SORCS3: variants seen among roughly 807,000 people sequenced by gnomAD.
SORCS3 encodes sortilin related VPS10 domain containing receptor 3, also known as VPS10 domain-containing receptor SorCS3.
In SORCS3, 57 loss-of-function variants were observed where a neutral mutation model predicts 146.3. That is an observed-to-expected ratio of 0.39 (90% CI 0.31 to 0.49). The LOEUF is 0.49. Ranked by LOEUF, SORCS3 falls within the 20% of genes least tolerant of loss-of-function variation. The pLI is 0.92. For synonymous variants in SORCS3, 653 were observed against 618.5 expected (o/e 1.06, Z -0.83); for missense variants, 1,341 against 1,575.5 (o/e 0.85, Z 2.52).
At chr10:105,255,056 CGTGCGCTTGTAGTCCCAGCTACTCAGGA>C (rs1387320171) in intron 23 of SORCS3, among the ~76,000 whole-genome samples, 1 of 151,632 alleles carries the variant, frequency 6.6e-6, no homozygotes, top group Non-Finnish European at 1.5e-5. Flanking sequence ...GGCGAGGAGG[CGTGCGCTTGTAGTCCCAGCTACTCAGGA>C]GGCTGAGGCA....
intron 5 of SORCS3, among the ~76,000 whole-genome samples, chr10:105,075,849 CTG>C (rs2055585550): frequency 6.6e-6 from 1 of 152,182 alleles, no homozygotes; most frequent in African/African-American, 2.4e-5. Context: ...GAGGAAGAGA[CTG>C]TACCCAAAGA....
At chr10:104,832,562 A>G (rs960595597) in intron 1 of SORCS3, among the ~76,000 whole-genome samples, 2 of 152,158 alleles carry the variant, frequency 1.3e-5, no homozygotes, top group Non-Finnish European at 2.9e-5. Flanking sequence ...TACTAAAAAT[A>G]CAAAAATTAC....
intron 1 of SORCS3, among the ~76,000 whole-genome samples, chr10:104,824,652 A>G (rs1312203160): frequency 6.6e-6 from 1 of 152,214 alleles, no homozygotes; most frequent in Non-Finnish European, 1.5e-5. Context: ...ATAACTGCAA[A>G]TAAAACAGAT....
intron 4 of SORCS3, among the ~76,000 whole-genome samples, chr10:105,017,289 G>A (rs2055174079): frequency 6.6e-6 from 1 of 152,112 alleles, no homozygotes; most frequent in African/African-American, 2.4e-5. Context: ...GCCTTAGGGG[G>A]GCAGTTGTGT....
At chr10:104,758,864 C>T (rs2133474982) in intron 1 of SORCS3, among the ~76,000 whole-genome samples, 1 of 152,238 alleles carries the variant, frequency 6.6e-6, no homozygotes, top group Non-Finnish European at 1.5e-5. Flanking sequence ...TCTGAGTTGA[C>T]CCAGACATGA....
At chr10:104,659,126 T>G (rs573491563) in intron 1 of SORCS3, among the ~76,000 whole-genome samples, 1 of 152,298 alleles carries the variant, frequency 6.6e-6, no homozygotes, top group East Asian at 1.9e-4. Flanking sequence ...CATGTTGTGA[T>G]TTTGAAGGGG....
chr10:104,961,252 T>C (rs1184578746), intron 3 of SORCS3, among the ~76,000 whole-genome samples: 2 of 152,184 alleles, frequency 1.3e-5, no homozygotes, highest in African/African-American at 4.8e-5. Flanking sequence ...TAGATATTTC[T>C]GAAAACCAAA....
At chr10:105,008,314 T>C (rs1589591605) in intron 4 of SORCS3, among the ~76,000 whole-genome samples, 1 of 152,340 alleles carries the variant, frequency 6.6e-6, no homozygotes, top group Non-Finnish European at 1.5e-5. Context: ...TGTTCTTGGA[T>C]GAAGGTGTGC....
intron 1 of SORCS3, among the ~76,000 whole-genome samples, chr10:104,812,310 C>T (rs1190501969): frequency 6.6e-6 from 1 of 152,162 alleles, no homozygotes; most frequent in Non-Finnish European, 1.5e-5. Context: ...CGCAGTACAC[C>T]TTAGCCCAGT....
At chr10:105,076,308 G>A (rs147771530) in intron 5 of SORCS3, among the ~76,000 whole-genome samples, 27 of 152,302 alleles carry the variant, frequency 1.8e-4, no homozygotes, top group African/African-American at 5.1e-4. Context: ...AAAAATGCAC[G>A]TGAGTTAGAA....
At chr10:104,658,008 G>C (rs567541900) in intron 1 of SORCS3, among the ~76,000 whole-genome samples, 1 of 152,170 alleles carries the variant, frequency 6.6e-6, no homozygotes, top group Non-Finnish European at 1.5e-5. Flanking sequence ...ATATTTTGTT[G>C]AATTATTAAT....
At chr10:104,652,059 A>ATGCGTGTG (rs938879972) in intron 1 of SORCS3, among the ~76,000 whole-genome samples, 2 of 148,944 alleles carry the variant, frequency 1.3e-5, no homozygotes, top group South Asian at 2.1e-4. Flanking sequence ...TATATTTTAA[A>ATGCGTGTG]TGTGTGTGTG....
At chr10:105,208,634 T>C (rs1166573014) in intron 16 of SORCS3, among the ~76,000 whole-genome samples, 2 of 148,978 alleles carry the variant, frequency 1.3e-5, no homozygotes, top group East Asian at 3.9e-4. Flanking sequence ...AATATTTTTA[T>C]ATAATATATA....
At chr10:104,689,606 CTACTT>C (rs1217845376) in intron 1 of SORCS3, among the ~76,000 whole-genome samples, 1 of 152,174 alleles carries the variant, frequency 6.6e-6, no homozygotes, top group African/African-American at 2.4e-5. Context: ...CACTGGAAAA[CTACTT>C]TATTTATATT....
intron 3 of SORCS3, among the ~76,000 whole-genome samples, chr10:104,930,780 C>G (rs1194877741): frequency 6.6e-6 from 1 of 152,190 alleles, no homozygotes; most frequent in Non-Finnish European, 1.5e-5. Context: ...CTCTTAGCAG[C>G]TGGGGGCTTA....
At chr10:104,957,505 C>A (rs573909233) in intron 3 of SORCS3, among the ~76,000 whole-genome samples, 38 of 151,598 alleles carry the variant, frequency 2.5e-4, no homozygotes, top group African/African-American at 8.5e-4. Context: ...AAAAAGTTTG[C>A]GAGGGTTTGT....
intron 3 of SORCS3, among the ~76,000 whole-genome samples, chr10:104,952,370 G>A: frequency 6.7e-6 from 1 of 149,400 alleles, no homozygotes; most frequent in Non-Finnish European, 1.5e-5. Flanking sequence ...CAGACCAGCA[G>A]CATTGGCTTA....
At chr10:104,945,623 T>C (rs1234328131) in intron 3 of SORCS3, among the ~76,000 whole-genome samples, 3 of 151,730 alleles carry the variant, frequency 2.0e-5, no homozygotes, top group Non-Finnish European at 4.4e-5. Context: ...CACTCATCTT[T>C]GAAAGTTTAT....
chr10:104,921,774 C>T (rs1313350991), intron 3 of SORCS3, among the ~76,000 whole-genome samples: 1 of 152,082 alleles, frequency 6.6e-6, no homozygotes, highest in Non-Finnish European at 1.5e-5. Flanking sequence ...TTCCTGTTCA[C>T]CTCTATCTGC....
Sources: gnomAD v4.1 joint callset for allele counts (sites outside exome capture counted in the v4.1 genomes callset) on GRCh38, gnomAD v4.1.1 for gene constraint, MANE v1.5 for transcripts, NCBI Gene and HGNC (gene_info 2026-07-23, HGNC 2026-07-21) for gene names.